The following FRYL variants were observed in gnomAD, a reference collection of about 807,000 sequenced individuals.
FRYL encodes protein furry homolog-like.
Under a neutral mutation model 351.2 loss-of-function variants are expected in FRYL, and 150 were observed. The observed-to-expected ratio is 0.43, with a 90% CI of 0.37 to 0.49. FRYL has a LOEUF of 0.49. FRYL is among the 20% of genes least tolerant of loss of function. The pLI, the probability that FRYL is intolerant of heterozygous loss-of-function variation, is 0.00. For missense variants in FRYL, 3,036 were observed against 3,619.3 expected (o/e 0.84, Z 4.13); for synonymous variants, 1,153 against 1,257.1 (o/e 0.92, Z 1.75).
At chr4:48,687,115 G>A (rs531127400) in intron 2 of FRYL, among the ~76,000 whole-genome samples, 2 of 152,044 alleles carry the variant, frequency 1.3e-5, no homozygotes, top group South Asian at 2.1e-4. Flanking sequence ...TACTTAACAT[G>A]GGATTAATTT....
In FRYL at chr4:48,654,303, A is replaced by C. The variant is rs530904282; in HGVS notation, c.-80-19813T>G. On this transcript the variant is annotated intron_variant, in intron 3 of 63. Coordinates refer to ENST00000358350, the MANE Select transcript of FRYL (RefSeq NM_015030.2). ...CTTTTCCCTTAATAGCTGATCAAAA[A>C]AAAAAAAAAAACAAAAACAAAAACA... 6.0e-4 allele frequency among the ~76,000 whole-genome samples: 84 copies of C among 138,888 alleles called. 1 individual carries two copies. The highest frequency in any genetic ancestry group is 3.8e-3 in the Middle Eastern group (1 of 260). 91.1% of individuals were successfully genotyped at this position (138,888 alleles called of 152,430 possible).
chr4:48,758,909 G>T (rs1157265586), intron 1 of FRYL, among the ~76,000 whole-genome samples: 7 of 152,034 alleles, frequency 4.6e-5, no homozygotes, highest in Admixed American at 4.6e-4. Flanking sequence ...CCATAAAAAA[G>T]GATGAGTTCA....
At chr4:48,725,748 AT>A (rs1311589139) in intron 1 of FRYL, among the ~76,000 whole-genome samples, 1 of 152,216 alleles carries the variant, frequency 6.6e-6, no homozygotes, top group Non-Finnish European at 1.5e-5. Context: ...TTACTTAACA[AT>A]GGTCCCAAAG....
chr4:48,728,552 T>C (rs1447617748), intron 1 of FRYL, among the ~76,000 whole-genome samples: 1 of 151,732 alleles, frequency 6.6e-6, no homozygotes, highest in African/African-American at 2.4e-5. Flanking sequence ...GCAGGAGAGA[T>C]GCTGAAAAAA....
intron 58 of FRYL, 147 bp downstream of exon 58, chr4:48,510,688 T>C: frequency 1.5e-6 from 1 of 677,328 alleles, no homozygotes; most frequent in Non-Finnish European, 2.6e-6. Flanking sequence ...CCTAATATAC[T>C]AGAATTGTAG....
Position 48,544,924 on chromosome 4 carries a change from G to C in FRYL, c.5280-20C>G. On this transcript the variant is annotated intron_variant, in intron 42 of 63. Transcript: ENST00000358350. ...CTTTTTCTGAAAACAGAGAACAGAT[G>C]TAATTTCCTTGGATTTTCACTTGTG... 6.3e-7 allele frequency: 1 copy of C among 1,581,798 alleles called. No individual in the cohort carries two copies. Among genetic ancestry groups the C allele is most frequent in the Non-Finnish European group, 8.5e-7 (1 of 1,170,234 alleles).
rs539962580 is a variant in FRYL at position 48,594,220 on chromosome 4, C to T, written c.1249-204G>A. Among the ~76,000 whole-genome samples, 5 of 151,992 alleles carry T rather than the reference C, an allele frequency of 3.3e-5. No homozygotes were observed. In the East Asian group the frequency reaches 7.7e-4, roughly 23 times the overall value. ...AATTATCAAATGATTTGTTTAATAC[C>T]CAAACCAACAGAATAAAGTTTTAAA... On this transcript the variant is annotated intron_variant, in intron 15 of 63. Coordinates refer to ENST00000358350, the MANE Select transcript of FRYL (RefSeq NM_015030.2).
At chr4:48,666,337 A>G (rs1156433020) in intron 3 of FRYL, among the ~76,000 whole-genome samples, 3 of 152,188 alleles carry the variant, frequency 2.0e-5, no homozygotes, top group Non-Finnish European at 4.4e-5. Flanking sequence ...ACTGCACTCC[A>G]GCCTGGGTGA....
At chr4:48,545,870 A>G (rs1731219332) in intron 42 of FRYL, among the ~76,000 whole-genome samples, 197 bp downstream of exon 42, 3 of 152,252 alleles carry the variant, frequency 2.0e-5, no homozygotes, top group African/African-American at 7.2e-5. Flanking sequence ...AGATATGATT[A>G]AAGTCCTGAG....
At chr4:48,503,396 T>G (rs1468859214) in intron 60 of FRYL, among the ~76,000 whole-genome samples, 1 of 152,200 alleles carries the variant, frequency 6.6e-6, no homozygotes, top group Non-Finnish European at 1.5e-5. Context: ...TAACTGGTGC[T>G]GAGCCACAGG....
chr4:48,673,028 GGTTGTCCCTGCT>G (rs1762974504), intron 3 of FRYL, among the ~76,000 whole-genome samples: 2 of 152,208 alleles, frequency 1.3e-5, no homozygotes, highest in African/African-American at 4.8e-5. Flanking sequence ...CTACATCGTG[GGTTGTCCCTGCT>G]AGTGAGCTGT....
At chr4:48,696,678 G>A (rs1363956531) in intron 2 of FRYL, among the ~76,000 whole-genome samples, 3 of 151,630 alleles carry the variant, frequency 2.0e-5, no homozygotes, top group Non-Finnish European at 2.9e-5. Flanking sequence ...CTTGTATCCC[G>A]GAACTTAAAG....
chr4:48,671,858 C>CACAAAAAAA (rs1762752053), intron 3 of FRYL, among the ~76,000 whole-genome samples: 1 of 22,400 alleles, frequency 4.5e-5, no homozygotes, highest in Non-Finnish European at 8.9e-5. Flanking sequence ...GTCTCAAAAA[C>CACAAAAAAA]AAAAAAAAAA....
intron 61 of FRYL, among the ~76,000 whole-genome samples, chr4:48,502,274 C>T (rs1255476681): frequency 2.0e-5 from 3 of 152,302 alleles, no homozygotes; most frequent in South Asian, 2.1e-4. Context: ...AGCACGGTGG[C>T]TCACACCTGT....
intron 7 of FRYL, among the ~76,000 whole-genome samples, chr4:48,610,946 A>G (rs1275006507): frequency 2.0e-5 from 3 of 151,710 alleles, no homozygotes; most frequent in Non-Finnish European, 2.9e-5. Context: ...TTCAAGTAGT[A>G]CTACAATAAA....
chr4:48,614,599 G>A (rs1748957451), intron 7 of FRYL, among the ~76,000 whole-genome samples: 2 of 150,482 alleles, frequency 1.3e-5, no homozygotes, highest in Non-Finnish European at 1.5e-5. Context: ...ACGTGCACCT[G>A]TAATCTCAGC....
At chr4:48,648,066 A>C (rs569497718) in intron 3 of FRYL, among the ~76,000 whole-genome samples, 2 of 152,306 alleles carry the variant, frequency 1.3e-5, no homozygotes, top group South Asian at 4.1e-4. Context: ...TGTTTTGTAA[A>C]GTGCTTAGAA....
chr4:48,606,247 T>G (rs1341924903), intron 10 of FRYL, among the ~76,000 whole-genome samples, 191 bp downstream of exon 10: 1 of 151,814 alleles, frequency 6.6e-6, no homozygotes, highest in Non-Finnish European at 1.5e-5. Flanking sequence ...CACTCCAGCC[T>G]GGGTGACAGA....
intron 35 of FRYL, 29 bp downstream of exon 35, chr4:48,556,949 T>C: frequency 1.3e-6 from 2 of 1,512,248 alleles, no homozygotes; most frequent in Non-Finnish European, 8.9e-7. Flanking sequence ...ATACATATAT[T>C]TTAAAATTAA....
Sources: allele counts gnomAD v4.1 joint callset (sites outside exome capture counted in the v4.1 genomes callset), GRCh38; gene constraint gnomAD v4.1.1; transcripts MANE v1.5; gene names NCBI Gene and HGNC (gene_info 2026-07-23, HGNC 2026-07-21).